The following SIPA1L3 variants were observed in gnomAD, a reference collection of about 807,000 sequenced individuals.
The protein encoded by SIPA1L3 is signal-induced proliferation-associated 1-like protein 3.
SIPA1L3 carries 59 observed loss-of-function variants against 150.1 expected under a neutral mutation model. The observed-to-expected ratio is 0.39, with a 90% CI of 0.32 to 0.49. The LOEUF is 0.49. SIPA1L3 is among the 20% of genes least tolerant of loss of function. The pLI, the probability that SIPA1L3 is intolerant of heterozygous loss-of-function variation, is 0.86. For missense variants in SIPA1L3, 2,211 were observed against 2,489.5 expected (o/e 0.89, Z 2.38); for synonymous variants, 1,070 against 1,077.6 (o/e 0.99, Z 0.14).
chr19:38,147,935 T>G (rs1971736054), intron 12 of SIPA1L3, among the ~76,000 whole-genome samples: 1 of 152,024 alleles, frequency 6.6e-6, no homozygotes, highest in African/African-American at 2.4e-5. Context: ...CGTAGAACTT[T>G]GGGAGGCTGA....
intron 13 of SIPA1L3, among the ~76,000 whole-genome samples, chr19:38,158,077 C>G (rs1971989567): frequency 6.6e-6 from 1 of 152,010 alleles, no homozygotes; most frequent in African/African-American, 2.4e-5. Flanking sequence ...CCCATCTCTA[C>G]TAAAAATTAG....
intron 2 of SIPA1L3, among the ~76,000 whole-genome samples, chr19:38,062,991 G>T (rs768808279): frequency 2.6e-5 from 4 of 152,184 alleles, no homozygotes; most frequent in Non-Finnish European, 5.9e-5. Flanking sequence ...CCCAGGTTCA[G>T]ATTCCGGCTC....
intron 1 of SIPA1L3, among the ~76,000 whole-genome samples, chr19:38,001,122 A>G (rs1967798365): frequency 6.6e-6 from 1 of 151,728 alleles, no homozygotes. Flanking sequence ...TTAAAAAGTT[A>G]AGGAATCATG....
intron 16 of SIPA1L3, chr19:38,185,342 T>C (rs574005719): frequency 2.0e-5 from 3 of 152,342 alleles, no homozygotes; most frequent in East Asian, 3.9e-4. Context: ...GTAGATACTA[T>C]AAGGCCCCCA....
intron 20 of SIPA1L3, among the ~76,000 whole-genome samples, chr19:38,203,462 G>A (rs995659826): frequency 2.0e-5 from 3 of 151,780 alleles, no homozygotes; most frequent in South Asian, 4.1e-4. Context: ...AAAGGGCTGC[G>A]CGTTCTCTGC....
chr19:38,124,046 G>A (rs1194416294), intron 9 of SIPA1L3, among the ~76,000 whole-genome samples: 12 of 151,078 alleles, frequency 7.9e-5, no homozygotes, highest in Non-Finnish European at 1.2e-4. Context: ...CAGTAGGGGC[G>A]GCTGGGCAGA....
chr19:38,191,164 T>C (rs562535803), intron 16 of SIPA1L3, among the ~76,000 whole-genome samples: 3 of 152,120 alleles, frequency 2.0e-5, no homozygotes, highest in Admixed American at 6.5e-5. Context: ...CCCAGCACTT[T>C]GGGAGGCTGA....
rs34881450 is a variant in SIPA1L3, at chr19:37,937,741, CAAAA to C, written c.-379+30403_-379+30406del. 1.7e-3 allele frequency among the ~76,000 whole-genome samples: 31 copies of C among 18,674 alleles called. 3 individuals are homozygous for C. Among genetic ancestry groups the C allele is most frequent in the South Asian group, 4.6e-3 (1 of 216 alleles). 12.3% of individuals were successfully genotyped at this position (18,674 alleles called of 152,430 possible). A position where few individuals can be genotyped will look rare whatever the true frequency, so the allele number is the denominator to read the frequency against. On this transcript the variant is annotated intron_variant, in intron 1 of 21. Coordinates refer to ENST00000222345, the MANE Select transcript of SIPA1L3 (RefSeq NM_015073.3). ...AGGGCGACAGAGTGAAACCCTGTCT[CAAAA>C]AAAAAAAAAAAAAAAAAAAGACCAG... is the stretch of plus-strand genomic sequence containing the variant.
intron 16 of SIPA1L3, among the ~76,000 whole-genome samples, chr19:38,189,853 G>C (rs575638005): frequency 6.6e-6 from 1 of 152,200 alleles, no homozygotes; most frequent in Non-Finnish European, 1.5e-5. Flanking sequence ...AAGCTGAGCT[G>C]TGTGTGAGTT....
intron 15 of SIPA1L3, among the ~76,000 whole-genome samples, chr19:38,178,282 C>T (rs1018815296): frequency 1.3e-5 from 2 of 151,776 alleles, no homozygotes; most frequent in South Asian, 4.2e-4. Flanking sequence ...GTGGGAGGAT[C>T]ATTTGAGCCC....
chr19:38,143,781 C>T (rs1971647405), intron 12 of SIPA1L3, among the ~76,000 whole-genome samples: 1 of 152,020 alleles, frequency 6.6e-6, no homozygotes. Flanking sequence ...TCAAGCGATC[C>T]GCCTGCCTCA....
In SIPA1L3 at chr19:38,164,776, C is replaced by T. The variant is rs766009849; in HGVS notation, c.4078C>T (p.Arg1360Trp). 1.5e-4 allele frequency: 243 copies of T among 1,612,154 alleles called. No homozygotes were observed. The Admixed American group carries it at 3.4e-3, about 22-fold the overall frequency. The change falls in exon 15 of 22, where the codon CGG becomes TGG. Residue 1360 changes from arginine (R) to tryptophan (W), a missense_variant. Arg to Trp is a moderately radical substitution (Grantham distance 101). Around this residue, in one of 5 missense-constraint regions of SIPA1L3, gnomAD observed 806 missense variants for 870.1 expected, o/e 0.93. Coordinates refer to ENST00000222345, the MANE Select transcript of SIPA1L3 (RefSeq NM_015073.3). This position sits in a 1 kb window ranked among gnomAD's most constrained non-coding sequence, Gnocchi z 4.1. ...AAGRSHHADR[R>W]REVSPAPAVA... ...TGGGAGGTCCCACCACGCAGACAGG[C>T]GGCGGGAGGTCTCCCCTGCCCCCGC...
At chr19:38,159,896 G>C (rs1190501544) in intron 13 of SIPA1L3, among the ~76,000 whole-genome samples, 1 of 152,158 alleles carries the variant, frequency 6.6e-6, no homozygotes, top group Non-Finnish European at 1.5e-5. Flanking sequence ...GTCAGCTTTG[G>C]GGTTAAATCA....
intron 1 of SIPA1L3, among the ~76,000 whole-genome samples, chr19:38,013,862 G>A (rs1403205969): frequency 6.6e-6 from 1 of 152,234 alleles, no homozygotes; most frequent in African/African-American, 2.4e-5. Flanking sequence ...AAGAAGAGTG[G>A]GTAGGAGCAC....
chr19:37,920,382 C>T (rs1008792198), intron 1 of SIPA1L3, among the ~76,000 whole-genome samples: 1 of 152,136 alleles, frequency 6.6e-6, no homozygotes, highest in African/African-American at 2.4e-5. Context: ...CTATAAGATG[C>T]TCATGCTGAA....
At chr19:38,117,986 G>A (rs564603397) in intron 8 of SIPA1L3, among the ~76,000 whole-genome samples, 1 of 152,146 alleles carries the variant, frequency 6.6e-6, no homozygotes, top group South Asian at 2.1e-4. Flanking sequence ...GTTGCTATCA[G>A]ATTTTGATAG....
intron 16 of SIPA1L3, among the ~76,000 whole-genome samples, chr19:38,186,597 G>A (rs533082666): frequency 4.7e-4 from 71 of 150,190 alleles, no homozygotes; most frequent in African/African-American, 1.7e-3. Flanking sequence ...CAGGCAATCC[G>A]CCCCCCCTTG....
At chr19:38,172,301 G>A (rs1226992160) in intron 15 of SIPA1L3, among the ~76,000 whole-genome samples, 3 of 152,172 alleles carry the variant, frequency 2.0e-5, no homozygotes, top group Non-Finnish European at 4.4e-5. Flanking sequence ...GTGCTTGTGA[G>A]AAGAGGAGGC....
Position 38,086,119 on chromosome 19 carries a change from G to T in SIPA1L3, c.1535-2602G>T, listed in dbSNP as rs150623797. On this transcript the variant is annotated intron_variant, in intron 3 of 21. Coordinates refer to ENST00000222345, the MANE Select transcript of SIPA1L3 (RefSeq NM_015073.3). ...CAGAATCTAGTAGCTGAAAAATAAG[G>T]ATTTAGAGGATTTAGATAACCTAAT... is the stretch of plus-strand genomic sequence containing the variant. Among the ~76,000 whole-genome samples, 185 of 152,172 alleles carry T rather than the reference G, an allele frequency of 1.2e-3. 1 individual carries two copies. The highest frequency in any genetic ancestry group is 7.5e-3 in the East Asian group (39 of 5,190).
Sources: gnomAD v4.1 joint callset for allele counts (sites outside exome capture counted in the v4.1 genomes callset) on GRCh38, gnomAD v4.1.1 for gene constraint, gnomAD v4.1.1 regional missense constraint, Gnocchi (gnomAD v3.1) non-coding constraint, MANE v1.5 for transcripts, NCBI Gene and HGNC (gene_info 2026-07-23, HGNC 2026-07-21) for gene names.